Variants in TM9SF4 observed in about 807,000 individuals in gnomAD.
TM9SF4 encodes the protein transmembrane 9 superfamily member 4, also known as dinucleotide oxidase disulfide thiol exchanger 3 superfamily member 4.
Under a neutral mutation model 90.4 loss-of-function variants are expected in TM9SF4, and 26 were observed. The observed-to-expected ratio is 0.29, with a 90% CI of 0.21 to 0.40. The LOEUF (loss-of-function observed/expected upper bound fraction) is 0.40, where lower values mean the gene tolerates loss of function less well. Among genes scored for constraint, TM9SF4 ranks in the 10% least tolerant of loss-of-function variants. The probability of loss-of-function intolerance (pLI) is 1.00; values close to 1 mark genes in which losing one functional copy is unlikely to be tolerated. For missense variants in TM9SF4, 549 were observed against 834.8 expected (o/e 0.66, Z 4.22); for synonymous variants, 293 against 315.4 (o/e 0.93, Z 0.75).
chr20:32,144,762 A>G (rs2046735929), intron 6 of TM9SF4, among the ~76,000 whole-genome samples: 2 of 152,016 alleles, frequency 1.3e-5, no homozygotes, highest in Admixed American at 1.3e-4. Context: ...AATGTCTTAA[A>G]ATTAGCCAGG....
chr20:32,131,481 A>AGT (rs10524812), intron 1 of TM9SF4, among the ~76,000 whole-genome samples: 14,963 of 147,266 alleles, frequency 0.1, 1,558 homozygotes, highest in African/African-American at 0.27. Flanking sequence ...GAGTCATCAG[A>AGT]GTGTGTGTGT....
chr20:32,163,715 G>A (rs1036352006), intron 17 of TM9SF4, among the ~76,000 whole-genome samples: 5 of 149,764 alleles, frequency 3.3e-5, no homozygotes, highest in African/African-American at 9.9e-5. Context: ...GGGTTCCAGC[G>A]ATTCTCCTGC....
At position 32,134,503 on chromosome 20, in the gene TM9SF4, A is replaced by T. The variant is rs73906748; in HGVS notation, c.129+1377A>T. Among the ~76,000 whole-genome samples, 317 of 152,236 alleles carry T rather than the reference A, an allele frequency of 2.1e-3. 2 individuals carry two copies. Among genetic ancestry groups the T allele is most frequent in the African/African-American group, 6.9e-3 (286 of 41,524 alleles). Reference sequence around the variant, plus strand: ...CCAAGCTCACTGAAGGCAAGAACTGACCAGAACTGAACATGAAGCTGTTTA... The same window carrying T: ...CCAAGCTCACTGAAGGCAAGAACTGTCCAGAACTGAACATGAAGCTGTTTA... On this transcript the variant is annotated intron_variant, in intron 2 of 17. Coordinates refer to ENST00000398022, the MANE Select transcript of TM9SF4 (RefSeq NM_014742.4).
chr20:32,137,726 CTCATCA>C (rs1010795940), intron 3 of TM9SF4, among the ~76,000 whole-genome samples: 1 of 152,176 alleles, frequency 6.6e-6, no homozygotes, highest in African/African-American at 2.4e-5. Flanking sequence ...CATCATCATC[CTCATCA>C]TCATCATTAA....
chr20:32,147,704 T>C (rs1486506158), intron 9 of TM9SF4, among the ~76,000 whole-genome samples: 1 of 151,764 alleles, frequency 6.6e-6, no homozygotes, highest in African/African-American at 2.4e-5. Flanking sequence ...AATACAAAAA[T>C]TAGCTGGGTG....
chr20:32,156,615 T>C (rs2046924964), intron 13 of TM9SF4, among the ~76,000 whole-genome samples: 2 of 152,238 alleles, frequency 1.3e-5, no homozygotes, highest in South Asian at 4.1e-4. Context: ...ATTTTTTGTT[T>C]GTTTGTTTTG....
At chr20:32,146,545 A>G (rs1034508435) in intron 8 of TM9SF4, among the ~76,000 whole-genome samples, 1 of 151,848 alleles carries the variant, frequency 6.6e-6, no homozygotes, top group Non-Finnish European at 1.5e-5. Flanking sequence ...TCCCCAGGAT[A>G]CCCCTACCCA....
chr20:32,109,983 G>GGTCT, intron 1 of TM9SF4: 1 of 1,414,050 alleles, frequency 7.1e-7, no homozygotes, highest in Non-Finnish European at 9.2e-7. Flanking sequence ...CGTTTCGGAG[G>GGTCT]AAGACCTCGG....
At chr20:32,131,780 G>A (rs1444587354) in intron 1 of TM9SF4, among the ~76,000 whole-genome samples, 1 of 152,172 alleles carries the variant, frequency 6.6e-6, no homozygotes, top group East Asian at 1.9e-4. Context: ...CAGGGGTGAA[G>A]CACTATTATT....
At chr20:32,140,748 T>G (rs929809095) in intron 3 of TM9SF4, among the ~76,000 whole-genome samples, 2 of 152,112 alleles carry the variant, frequency 1.3e-5, no homozygotes, top group Non-Finnish European at 2.9e-5. Flanking sequence ...ATCCCTCCAC[T>G]GCATAATGCT....
At chr20:32,160,157 A>T in intron 16 of TM9SF4, 46 bp downstream of exon 16, 1 of 1,612,924 alleles carries the variant, frequency 6.2e-7, no homozygotes, top group Non-Finnish European at 8.5e-7. Context: ...AACTGGATCC[A>T]GCATTGAACG....
intron 1 of TM9SF4, among the ~76,000 whole-genome samples, chr20:32,114,714 G>A (rs1038532097): frequency 2.0e-5 from 3 of 152,202 alleles, no homozygotes; most frequent in African/African-American, 7.2e-5. Flanking sequence ...GGCCTGAACT[G>A]TGCCATCAGT....
At chr20:32,127,939 C>T (rs2046447633) in intron 1 of TM9SF4, among the ~76,000 whole-genome samples, 1 of 152,214 alleles carries the variant, frequency 6.6e-6, no homozygotes, top group Non-Finnish European at 1.5e-5. Context: ...TCTTAGGAGA[C>T]ATTCAGAACA....
At chr20:32,140,219 G>A (rs2046652183) in intron 3 of TM9SF4, among the ~76,000 whole-genome samples, 1 of 152,202 alleles carries the variant, frequency 6.6e-6, no homozygotes, top group Non-Finnish European at 1.5e-5. Flanking sequence ...ATCAATTGTT[G>A]AACAGCTCAG....
At chr20:32,126,282 C>A (rs2046421555) in intron 1 of TM9SF4, among the ~76,000 whole-genome samples, 1 of 152,150 alleles carries the variant, frequency 6.6e-6, no homozygotes, top group South Asian at 2.1e-4. Context: ...GAGTCTCAGG[C>A]CCTACCCAGA....
intron 17 of TM9SF4, among the ~76,000 whole-genome samples, chr20:32,163,245 CAAAAAAAAAAA>C (rs67827616): frequency 2.3e-3 from 96 of 41,022 alleles, no homozygotes; most frequent in African/African-American, 8.9e-3. Flanking sequence ...GACTCCATCT[CAAAAAAAAAAA>C]AAAAAAAAAA....
At chr20:32,132,002 A>T (rs917273786) in intron 1 of TM9SF4, among the ~76,000 whole-genome samples, 1 of 152,234 alleles carries the variant, frequency 6.6e-6, no homozygotes, top group Non-Finnish European at 1.5e-5. Context: ...GGAGAAATAG[A>T]TAAGGGACTA....
chr20:32,139,592 C>T (rs1454343725), intron 3 of TM9SF4, among the ~76,000 whole-genome samples: 1 of 152,258 alleles, frequency 6.6e-6, no homozygotes, highest in Admixed American at 6.5e-5. Context: ...CTTGCATCCT[C>T]TGTTTTCTTC....
intron 17 of TM9SF4, among the ~76,000 whole-genome samples, chr20:32,163,229 G>C (rs1188258892): frequency 1.7e-5 from 2 of 120,988 alleles, no homozygotes; most frequent in Non-Finnish European, 3.2e-5. Flanking sequence ...CTGGGTGACA[G>C]AGCAAGACTC....
Sources: allele counts gnomAD v4.1 joint callset (sites outside exome capture counted in the v4.1 genomes callset), GRCh38; gene constraint gnomAD v4.1.1; transcripts MANE v1.5; gene names NCBI Gene and HGNC (gene_info 2026-07-23, HGNC 2026-07-21).